Variants in SKAP1 observed in about 807,000 individuals in gnomAD.
SKAP1 encodes the protein src kinase associated phosphoprotein 1, also known as src kinase-associated phosphoprotein 1.
In SKAP1, 44 loss-of-function variants were observed where a neutral mutation model predicts 58.5. The ratio of observed to expected loss-of-function variants is 0.75; its 90% CI spans 0.59 to 0.97. SKAP1 has a LOEUF of 0.97. SKAP1 is among the 50% of genes least tolerant of loss of function. The pLI is 0.00. For synonymous variants in SKAP1, 127 were observed against 149.7 expected, an observed-to-expected ratio of 0.85 and a Z score of 1.11; for missense variants, 390 against 435.2, an observed-to-expected ratio of 0.90 and a Z score of 0.92.
At position 48,180,235 on chromosome 17, in the gene SKAP1, T is replaced by A; in HGVS notation, c.645A>T (p.Leu215Phe). The A allele has an allele frequency of 6.3e-7, 1 of 1,584,402 alleles. No individual in the cohort carries two copies. Among genetic ancestry groups the A allele is most frequent in the Non-Finnish European group, 8.6e-7 (1 of 1,164,664 alleles). The change falls in exon 9 of 13, where the codon TTA becomes TTT. Residue 215 changes from leucine (L) to phenylalanine (F), a missense_variant. Transcript: ENST00000336915. ...ISFLLKDLSS[L>F]TIPYEEDEEE... is the part of the protein sequence containing the mutation. ...CCTCATCCTCTTCATATGGAATGGT[T>A]AAGGAGCTCAGATCTAACAAGGCAA...
intron 4 of SKAP1, among the ~76,000 whole-genome samples, chr17:48,333,107 C>G (rs897793861): frequency 2.0e-5 from 3 of 152,116 alleles, no homozygotes; most frequent in African/African-American, 7.2e-5. Context: ...GTGATTCATA[C>G]TGTAACAGCC....
At chr17:48,155,203 C>T (rs1489523554) in intron 11 of SKAP1, among the ~76,000 whole-genome samples, 1 of 151,860 alleles carries the variant, frequency 6.6e-6, no homozygotes, top group Non-Finnish European at 1.5e-5. Context: ...TCTTGGCTCA[C>T]TGCAACCACT....
At chr17:48,318,836 T>G (rs1331760117) in intron 4 of SKAP1, among the ~76,000 whole-genome samples, 2 of 152,238 alleles carry the variant, frequency 1.3e-5, no homozygotes, top group African/African-American at 2.4e-5. Flanking sequence ...CTGTTTAGCC[T>G]GGGCAAGACA....
At position 48,288,683 on chromosome 17, in the gene SKAP1, CA is replaced by C. The variant is rs570711626; in HGVS notation, c.280+57221del. Among the ~76,000 whole-genome samples the C allele has an allele frequency of 4.0e-3, 609 of 151,606 alleles. 8 individuals carry two copies. The highest frequency in any genetic ancestry group is 0.014 in the African/African-American group (583 of 41,348). On this transcript the variant is annotated intron_variant, in intron 4 of 12. Transcript: ENST00000336915. Reference sequence around the variant, plus strand: ...CCTGGGCGACAAAGTGAGACCATCTCAAAAAAAACCAAAGCAAAGAAAAGAA... The same window carrying C: ...CCTGGGCGACAAAGTGAGACCATCTCAAAAAAACCAAAGCAAAGAAAAGAA...
intron 1 of SKAP1, among the ~76,000 whole-genome samples, chr17:48,421,159 G>C (rs1253818126): frequency 6.6e-6 from 1 of 152,094 alleles, no homozygotes; most frequent in Non-Finnish European, 1.5e-5. Flanking sequence ...AACACTAGAC[G>C]ATAATCAGAA....
chr17:48,357,502 C>A (rs906381391), intron 3 of SKAP1, among the ~76,000 whole-genome samples: 2 of 151,874 alleles, frequency 1.3e-5, no homozygotes, highest in South Asian at 2.1e-4. Context: ...TGGTGGCGGG[C>A]GCCTGTAGTC....
intron 4 of SKAP1, among the ~76,000 whole-genome samples, chr17:48,291,725 T>C (rs2065898941): frequency 6.6e-6 from 1 of 152,252 alleles, no homozygotes; most frequent in African/African-American, 2.4e-5. Flanking sequence ...TTGATGTCTT[T>C]GTGCGCTCTC....
At chr17:48,364,520 T>C (rs1973575) in intron 2 of SKAP1, among the ~76,000 whole-genome samples, 77,568 of 151,802 alleles carry the variant, frequency 0.51, 20,699 homozygotes, top group African/African-American at 0.65. Flanking sequence ...ACTAAAAATA[T>C]AAAAATTAGC....
At chr17:48,201,854 A>G (rs1312077770) in intron 4 of SKAP1, among the ~76,000 whole-genome samples, 1 of 152,242 alleles carries the variant, frequency 6.6e-6, no homozygotes, top group East Asian at 1.9e-4. Flanking sequence ...TTTAGGAAAT[A>G]GCTATTGATA....
chr17:48,279,310 G>A (rs771565057), intron 4 of SKAP1, among the ~76,000 whole-genome samples: 1 of 152,134 alleles, frequency 6.6e-6, no homozygotes, highest in South Asian at 2.1e-4. Context: ...AAAATTCACC[G>A]GTTCAGCTGA....
At chr17:48,395,166 G>T (rs2067400193) in intron 2 of SKAP1, among the ~76,000 whole-genome samples, 1 of 152,186 alleles carries the variant, frequency 6.6e-6, no homozygotes, top group Non-Finnish European at 1.5e-5. Flanking sequence ...GTGTGCATGT[G>T]TGTATGTATT....
chr17:48,164,432 G>A (rs781453641), intron 10 of SKAP1, among the ~76,000 whole-genome samples: 10 of 152,136 alleles, frequency 6.6e-5, no homozygotes, highest in Non-Finnish European at 1.2e-4. Flanking sequence ...TTTGGAGTAC[G>A]GTTCCCTACT....
chr17:48,151,895 A>G (rs1300004743), intron 11 of SKAP1, among the ~76,000 whole-genome samples: 2 of 152,218 alleles, frequency 1.3e-5, no homozygotes, highest in Non-Finnish European at 2.9e-5. Flanking sequence ...AGAGGGTGTT[A>G]CAATTTGATA....
chr17:48,409,667 CA>C (rs35629210), intron 1 of SKAP1, among the ~76,000 whole-genome samples: 36,110 of 94,544 alleles, frequency 0.38, 4,348 homozygotes, highest in African/African-American at 0.48. Context: ...GATCCTGTCT[CA>C]AAAAAAAAAA....
At chr17:48,215,727 G>A (rs72825584) in intron 4 of SKAP1, among the ~76,000 whole-genome samples, 21,215 of 152,094 alleles carry the variant, frequency 0.14, 2,041 homozygotes, top group Non-Finnish European at 0.2. Flanking sequence ...GGACATGACA[G>A]GCAGGGGCCC....
the SKAP1 span, among the ~76,000 whole-genome samples, chr17:48,437,472 G>A: frequency 6.6e-6 from 1 of 152,166 alleles, no homozygotes; most frequent in African/African-American, 2.4e-5. Context: ...GCCGGGTGTG[G>A]TGACTCACGC....
At chr17:48,327,376 G>A (rs536125730) in intron 4 of SKAP1, among the ~76,000 whole-genome samples, 1 of 152,188 alleles carries the variant, frequency 6.6e-6, no homozygotes, top group African/African-American at 2.4e-5. Flanking sequence ...TATAAAGTTC[G>A]AGACTAAGTG....
At chr17:48,170,484 TCA>T in intron 10 of SKAP1, 123 bp downstream of exon 10, 1 of 811,504 alleles carries the variant, frequency 1.2e-6, no homozygotes, top group Non-Finnish European at 2.1e-6. Flanking sequence ...GCTTTGGGGT[TCA>T]CACACAGGTA....
intron 4 of SKAP1, among the ~76,000 whole-genome samples, chr17:48,192,473 T>C (rs2064560004): frequency 6.6e-6 from 1 of 152,124 alleles, no homozygotes; most frequent in Non-Finnish European, 1.5e-5. Context: ...TGGGAAGACA[T>C]TGCCTCGTGT....
Sources: allele counts gnomAD v4.1 joint callset (sites outside exome capture counted in the v4.1 genomes callset), GRCh38; gene constraint gnomAD v4.1.1; transcripts MANE v1.5; gene names NCBI Gene and HGNC (gene_info 2026-07-23, HGNC 2026-07-21).